The following LRRC3B variants were observed in gnomAD, a reference collection of about 807,000 sequenced individuals.
The protein encoded by LRRC3B is leucine-rich repeat-containing protein 3B.
Under a neutral mutation model 12.8 loss-of-function variants are expected in LRRC3B, and 2 were observed. The ratio of observed to expected loss-of-function variants is 0.16; its 90% CI spans 0.06 to 0.49. LRRC3B has a LOEUF of 0.49. Among genes scored for constraint, LRRC3B ranks in the 20% least tolerant of loss-of-function variants. The pLI, the probability that LRRC3B is intolerant of heterozygous loss-of-function variation, is 0.96. For missense variants in LRRC3B, 189 were observed against 319.4 expected (o/e 0.59, Z 3.11); for synonymous variants, 132 against 122.0 (o/e 1.08, Z -0.54).
intron 1 of LRRC3B, among the ~76,000 whole-genome samples, chr3:26,651,283 T>A (rs1699259476): frequency 1.3e-5 from 2 of 152,326 alleles, no homozygotes; most frequent in Admixed American, 1.3e-4. Context: ...TATGCAAACA[T>A]CACCTCATCA....
At chr3:26,628,739 T>C (rs1698685851) in intron 1 of LRRC3B, among the ~76,000 whole-genome samples, 1 of 151,682 alleles carries the variant, frequency 6.6e-6, no homozygotes, top group African/African-American at 2.4e-5. Context: ...AAATCTGGAA[T>C]CTTCTCAAAA....
At chr3:26,707,473 C>T (rs1280842620) in intron 1 of LRRC3B, among the ~76,000 whole-genome samples, 1 of 152,078 alleles carries the variant, frequency 6.6e-6, no homozygotes, top group African/African-American at 2.4e-5. Flanking sequence ...AGAAACAAGC[C>T]TCTGCTGTCA....
intron 1 of LRRC3B, among the ~76,000 whole-genome samples, chr3:26,633,979 A>G (rs1025640969): frequency 9.2e-5 from 14 of 152,254 alleles, no homozygotes; most frequent in African/African-American, 3.4e-4. Context: ...ACATGGTAGA[A>G]CTAATTAAAT....
At chr3:26,694,999 T>C (rs963174429) in intron 1 of LRRC3B, among the ~76,000 whole-genome samples, 4 of 152,150 alleles carry the variant, frequency 2.6e-5, no homozygotes, top group Non-Finnish European at 5.9e-5. Context: ...GTAAAACTAT[T>C]ATCAATTTGT....
At chr3:26,655,388 TA>T (rs1699352469) in intron 1 of LRRC3B, among the ~76,000 whole-genome samples, 1 of 152,194 alleles carries the variant, frequency 6.6e-6, no homozygotes, top group South Asian at 2.1e-4. Flanking sequence ...AGAGGCACCA[TA>T]ATGTCTATAT....
At chr3:26,641,699 T>G (rs975117123) in intron 1 of LRRC3B, among the ~76,000 whole-genome samples, 2 of 152,106 alleles carry the variant, frequency 1.3e-5, no homozygotes, top group African/African-American at 4.8e-5. Flanking sequence ...AGGAGTTTTA[T>G]CCTCTGTATA....
intron 1 of LRRC3B, among the ~76,000 whole-genome samples, chr3:26,661,245 C>T (rs2125422990): frequency 6.6e-6 from 1 of 152,312 alleles, no homozygotes; most frequent in East Asian, 1.9e-4. Flanking sequence ...GCAGATTCCT[C>T]TCTTAAGACT....
chr3:26,701,686 G>A (rs566886125), intron 1 of LRRC3B, among the ~76,000 whole-genome samples: 1 of 152,096 alleles, frequency 6.6e-6, no homozygotes, highest in South Asian at 2.1e-4. Flanking sequence ...AGGTTAACCC[G>A]GTTCTCTTTC....
rs370610399 is a variant in LRRC3B, at chr3:26,709,700, C to G, written c.28C>G (p.Arg10Gly). ...GAATCTGGTAGACCTGTGGTTAACC[C>G]GTTCCCTCTCCATGTGTCTCCTCCT... Residue 10 changes from arginine (R) to glycine (G), a missense_variant, in exon 2 of 2, where the codon CGT becomes GGT. Coordinates refer to ENST00000396641, the Ensembl canonical transcript of LRRC3B. 125 of 1,613,782 alleles carry G rather than the reference C, an allele frequency of 7.7e-5. No individual in the cohort carries two copies. Among genetic ancestry groups the G allele is most frequent in the Non-Finnish European group, 9.2e-5 (108 of 1,179,900 alleles).
At chr3:26,675,180 G>A (rs867501251) in intron 1 of LRRC3B, among the ~76,000 whole-genome samples, 1 of 152,146 alleles carries the variant, frequency 6.6e-6, no homozygotes, top group Non-Finnish European at 1.5e-5. Context: ...GTAGATACAG[G>A]TAGGAGCTTT....
chr3:26,665,504 A>C (rs1699580288), intron 1 of LRRC3B, among the ~76,000 whole-genome samples: 1 of 152,140 alleles, frequency 6.6e-6, no homozygotes, highest in African/African-American at 2.4e-5. Flanking sequence ...CTACCAAAAC[A>C]ACTTCAAAAT....
intron 1 of LRRC3B, among the ~76,000 whole-genome samples, chr3:26,680,085 A>G (rs1699939449): frequency 6.6e-6 from 1 of 152,196 alleles, no homozygotes; most frequent in South Asian, 2.1e-4. Context: ...AGATTCTGAC[A>G]CAGTAGGTCT....
In LRRC3B at chr3:26,709,293, C is replaced by T. The variant is rs1420521884; in HGVS notation, c.-160-220C>T. Among the ~76,000 whole-genome samples, 6 of 152,134 alleles carry T rather than the reference C, an allele frequency of 3.9e-5. No individual in the cohort carries two copies. The East Asian group carries it at 1.2e-3, about 29-fold the overall frequency. On this transcript the variant is annotated intron_variant, in intron 1 of 1. Transcript: ENST00000396641. ...TCCAACTGAAAACCAGGCAACAGAACTCAGAAATATCTTCATATGTTCACA... is the reference window on the plus strand; with the variant it reads ...TCCAACTGAAAACCAGGCAACAGAATTCAGAAATATCTTCATATGTTCACA...
At chr3:26,642,743 G>T (rs890753535) in intron 1 of LRRC3B, among the ~76,000 whole-genome samples, 1 of 152,138 alleles carries the variant, frequency 6.6e-6, no homozygotes, top group African/African-American at 2.4e-5. Flanking sequence ...AGTTGCCCGG[G>T]CGTGGTGCCT....
chr3:26,666,201 G>C (rs941908166), intron 1 of LRRC3B, among the ~76,000 whole-genome samples: 1 of 151,888 alleles, frequency 6.6e-6, no homozygotes, highest in Non-Finnish European at 1.5e-5. Flanking sequence ...AAAGACTACA[G>C]AGAAAAAAGA....
intron 1 of LRRC3B, among the ~76,000 whole-genome samples, chr3:26,627,799 A>AG (rs1299401460): frequency 2.0e-5 from 3 of 152,200 alleles, no homozygotes; most frequent in Non-Finnish European, 1.5e-5. Context: ...CCCACTCTTC[A>AG]GGAAGAGCCA....
At chr3:26,707,251 G>T (rs1389730984) in intron 1 of LRRC3B, among the ~76,000 whole-genome samples, 1 of 150,776 alleles carries the variant, frequency 6.6e-6, no homozygotes, top group East Asian at 1.9e-4. Flanking sequence ...TATAGTTCCA[G>T]ATACTCGGGA....
chr3:26,642,201 T>C (rs1453162100), intron 1 of LRRC3B, among the ~76,000 whole-genome samples: 1 of 152,182 alleles, frequency 6.6e-6, no homozygotes, highest in Non-Finnish European at 1.5e-5. Flanking sequence ...TGTATGTTTG[T>C]GAGAGAAAGA....
intron 1 of LRRC3B, among the ~76,000 whole-genome samples, chr3:26,628,582 G>A (rs1698682376): frequency 6.6e-6 from 1 of 151,738 alleles, no homozygotes. Context: ...TTGTGACTTT[G>A]ATGAACTTTA....
Sources: gnomAD v4.1 joint callset for allele counts (sites outside exome capture counted in the v4.1 genomes callset) on GRCh38, gnomAD v4.1.1 for gene constraint, MANE v1.5 for transcripts, NCBI Gene and HGNC (gene_info 2026-07-23, HGNC 2026-07-21) for gene names.